Variants in PLEKHD1 observed in about 807,000 individuals in gnomAD.
PLEKHD1 encodes pleckstrin homology and coiled-coil domain containing D1.
A neutral mutation model predicts 69.2 loss-of-function variants in PLEKHD1; 51 were observed. The ratio of observed to expected loss-of-function variants is 0.74; its 90% confidence interval spans 0.59 to 0.93. The LOEUF (loss-of-function observed/expected upper bound fraction) is 0.93, where lower values mean the gene tolerates loss of function less well. Among genes scored for constraint, PLEKHD1 ranks in the 40% least tolerant of loss-of-function variants. PLEKHD1 has a pLI of 0.00. For synonymous variants in PLEKHD1, 236 were observed against 244.7 expected (o/e 0.96, Z 0.33); for missense variants, 584 against 641.0 (o/e 0.91, Z 0.96).
chr14:69,498,932 G>T (rs544332783), intron 1 of PLEKHD1, among the ~76,000 whole-genome samples: 5 of 152,240 alleles, frequency 3.3e-5, no homozygotes, highest in African/African-American at 4.8e-5. Context: ...GATTACAGGT[G>T]TGAGCCACAG....
chr14:69,520,586 G>T (rs910234908), intron 6 of PLEKHD1, among the ~76,000 whole-genome samples: 8 of 151,728 alleles, frequency 5.3e-5, no homozygotes, highest in Non-Finnish European at 1.5e-5. Flanking sequence ...AAAATTAGCC[G>T]GGTGTGGTGG....
the PLEKHD1 span, among the ~76,000 whole-genome samples, chr14:69,471,964 C>T: frequency 1.0e-3 from 152 of 152,284 alleles, 2 homozygotes; most frequent in African/African-American, 3.5e-3. Flanking sequence ...TCTGGTGAAA[C>T]GGCTGCTTCA....
intron 6 of PLEKHD1, among the ~76,000 whole-genome samples, chr14:69,520,082 G>C (rs1883477145): frequency 6.9e-6 from 1 of 143,974 alleles, no homozygotes; most frequent in South Asian, 2.2e-4. Context: ...CAGGATAATT[G>C]CTTGAACCAG....
intron 1 of PLEKHD1, among the ~76,000 whole-genome samples, chr14:69,498,662 T>TCTTCTCTTCTC (rs1566557403): frequency 2.7e-4 from 37 of 135,160 alleles, no homozygotes; most frequent in South Asian, 4.7e-4. Context: ...TCTTCTCTTC[T>TCTTCTCTTCTC]TTGAGATGGA....
chr14:69,469,436 C>CT, the PLEKHD1 span, among the ~76,000 whole-genome samples: 1 of 151,480 alleles, frequency 6.6e-6, no homozygotes, highest in Non-Finnish European at 1.5e-5. Flanking sequence ...GACAGGGTCT[C>CT]TCTCGCTCTA....
At chr14:69,522,480 T>C in intron 7 of PLEKHD1, 103 bp downstream of exon 7, 1 of 1,222,718 alleles carries the variant, frequency 8.2e-7, no homozygotes, top group South Asian at 1.4e-5. Context: ...AGATGCTATC[T>C]TCCCAAGGCT....
At chr14:69,488,607 A>C (rs1882705043) in intron 1 of PLEKHD1, among the ~76,000 whole-genome samples, 1 of 152,144 alleles carries the variant, frequency 6.6e-6, no homozygotes, top group South Asian at 2.1e-4. Context: ...TGTGGGGAAC[A>C]GTGACCAGGT....
intron 6 of PLEKHD1, among the ~76,000 whole-genome samples, chr14:69,511,159 G>T (rs1009243582): frequency 6.6e-6 from 1 of 151,490 alleles, no homozygotes; most frequent in Non-Finnish European, 1.5e-5. Flanking sequence ...TTGTTTGTTT[G>T]TTGTTTGTTT....
At chr14:69,490,160 TTA>T (rs1422427113) in intron 1 of PLEKHD1, among the ~76,000 whole-genome samples, 3 of 152,046 alleles carry the variant, frequency 2.0e-5, no homozygotes, top group Non-Finnish European at 4.4e-5. Flanking sequence ...GAGCCCCCTG[TTA>T]TATGTTTTAC....
chr14:69,522,206 T>G, intron 6 of PLEKHD1, 77 bp from the exon 7 acceptor site: 3 of 1,351,230 alleles, frequency 2.2e-6, no homozygotes, highest in Non-Finnish European at 3.1e-6. Context: ...GAGGGTCCCT[T>G]GGGATAGAGT....
chr14:69,500,588 T>C lies in PLEKHD1; in HGVS notation c.255T>C (p.Pro85=). 1 of 1,550,260 alleles carries C rather than the reference T, an allele frequency of 6.5e-7. No homozygotes were observed. ...YFNIHPKGVI[P]LGGCLVEPKE... is the part of the protein sequence containing the mutation. ...TGGTTCTTCCTCAGGGCGTCATCCC[T>C]CTGGGGGGCTGCCTGGTGGAGCCCA... The change falls in exon 3 of 13, where the codon CCT becomes CCC. Residue 85 remains proline, a synonymous_variant. Coordinates refer to ENST00000322564, the MANE Select transcript of PLEKHD1 (RefSeq NM_001161498.2).
chr14:69,488,647 ATG>A (rs1180371708), intron 1 of PLEKHD1, among the ~76,000 whole-genome samples: 1 of 152,134 alleles, frequency 6.6e-6, no homozygotes, highest in Admixed American at 6.5e-5. Flanking sequence ...TCTTCTGCTA[ATG>A]TGTGTGGGAA....
Position 69,485,119 on chromosome 14 carries a change from G to GT in PLEKHD1, c.149+6dup. 1.3e-6 allele frequency: 2 copies of GT among 1,548,470 alleles called. No homozygotes were observed. ...GTCGGCCAAGTGGTCCCGGCGGTGA[G>GT]TGCGCCCCCGCGCCCCAAGGAGACC... On this transcript the variant is annotated splice_donor_region_variant and intron_variant, in intron 1 of 12. Coordinates refer to ENST00000322564, the MANE Select transcript of PLEKHD1 (RefSeq NM_001161498.2).
At chr14:69,489,104 C>A (rs1882716749) in intron 1 of PLEKHD1, among the ~76,000 whole-genome samples, 1 of 152,172 alleles carries the variant, frequency 6.6e-6, no homozygotes, top group African/African-American at 2.4e-5. Context: ...TCTTTCTCAC[C>A]CACTCCCTGA....
intron 7 of PLEKHD1, among the ~76,000 whole-genome samples, chr14:69,522,653 C>T (rs1883545503): frequency 6.6e-6 from 1 of 152,134 alleles, no homozygotes; most frequent in South Asian, 2.1e-4. Flanking sequence ...AGCCCCCTGC[C>T]TTCATGAAAG....
chr14:69,495,129 C>T (rs573720801), intron 1 of PLEKHD1, among the ~76,000 whole-genome samples: 1 of 152,302 alleles, frequency 6.6e-6, no homozygotes, highest in Non-Finnish European at 1.5e-5. Flanking sequence ...CCTGAACATC[C>T]ACCTTCCTTC....
In PLEKHD1 at chr14:69,498,739, C is replaced by T. The variant is rs796558171; in HGVS notation, c.150-1376C>T. 5.3e-5 allele frequency among the ~76,000 whole-genome samples: 8 copies of T among 152,034 alleles called. 1 individual carries two copies. The highest frequency in any genetic ancestry group is 1.7e-4 in the African/African-American group (7 of 41,446). On this transcript the variant is annotated intron_variant, in intron 1 of 12. Coordinates refer to ENST00000322564, the MANE Select transcript of PLEKHD1 (RefSeq NM_001161498.2). ...CTTGGCTCACTGCAACCTCTGCATC[C>T]TGGGTTCAAGTGATTCTCATGCCTC... is the stretch of plus-strand genomic sequence containing the variant.
chr14:69,498,057 A>ATTTTATTTTATTTAT (rs1555337189), intron 1 of PLEKHD1, among the ~76,000 whole-genome samples: 1 of 124,674 alleles, frequency 8.0e-6, no homozygotes, highest in African/African-American at 3.2e-5. Context: ...ATTTTATTTT[A>ATTTTATTTTATTTAT]TTTATTTTAT....
intron 8 of PLEKHD1, among the ~76,000 whole-genome samples, chr14:69,524,782 C>T (rs1226348303): frequency 6.6e-6 from 1 of 152,092 alleles, no homozygotes; most frequent in African/African-American, 2.4e-5. Flanking sequence ...TGACAAGCCT[C>T]AAGGACAAAG....
Sources: gnomAD v4.1 joint callset for allele counts (sites outside exome capture counted in the v4.1 genomes callset) on GRCh38, gnomAD v4.1.1 for gene constraint, MANE v1.5 for transcripts, NCBI Gene and HGNC (gene_info 2026-07-23, HGNC 2026-07-21) for gene names.